CKAP5: variants seen among roughly 807,000 people sequenced by gnomAD.
The protein encoded by CKAP5 is cytoskeleton-associated protein 5.
Under a neutral mutation model 232.8 loss-of-function variants are expected in CKAP5, and 27 were observed. The observed-to-expected ratio is 0.12, with a 90% CI of 0.09 to 0.16. The LOEUF (loss-of-function observed/expected upper bound fraction) is 0.16, where lower values mean the gene tolerates loss of function less well. CKAP5 is among the 10% of genes least tolerant of loss of function. CKAP5 has a pLI of 1.00. For missense variants in CKAP5, 1,838 were observed against 2,424.7 expected (o/e 0.76, Z 5.08); for synonymous variants, 785 against 841.1 (o/e 0.93, Z 1.16).
chr11:46,814,542 C>A (rs1426373921), intron 4 of CKAP5, among the ~76,000 whole-genome samples: 1 of 152,156 alleles, frequency 6.6e-6, no homozygotes, highest in Non-Finnish European at 1.5e-5. Flanking sequence ...GATGGATGAT[C>A]TTCATTCCGT....
chr11:46,813,239 C>T (rs1014750077), intron 4 of CKAP5, among the ~76,000 whole-genome samples: 3 of 151,936 alleles, frequency 2.0e-5, no homozygotes, highest in Non-Finnish European at 4.4e-5. Context: ...GCTCAGCTGA[C>T]CTTTAAGATT....
At chr11:46,794,251 G>A (rs2134644815) in intron 13 of CKAP5, among the ~76,000 whole-genome samples, 2 of 152,244 alleles carry the variant, frequency 1.3e-5, no homozygotes, top group South Asian at 4.1e-4. Flanking sequence ...GAGCCTAGGA[G>A]TTTGAGACCT....
Position 46,765,230 on chromosome 11 carries a change from G to A in CKAP5, c.3438C>T (p.Ser1146=). The A allele has an allele frequency of 1.2e-6, 2 of 1,612,126 alleles. No individual in the cohort carries two copies. Among genetic ancestry groups the A allele is most frequent in the Non-Finnish European group, 1.7e-6 (2 of 1,179,264 alleles). The change falls in exon 28 of 44, where the codon AGC becomes AGT. Residue 1146 remains serine, a synonymous_variant. Transcript: ENST00000529230. ...AKSAQGKKMP[S]KTSLKEDEDK... ...CTTCATCCTCCTTTAAGCTGGTTTTGCTTGGCATCTTCTTCCCTTGTGCAC... is the reference window on the plus strand; with the variant it reads ...CTTCATCCTCCTTTAAGCTGGTTTTACTTGGCATCTTCTTCCCTTGTGCAC...
intron 42 of CKAP5, among the ~76,000 whole-genome samples, chr11:46,747,896 C>CA (rs1364906888): frequency 1.3e-5 from 2 of 151,896 alleles, no homozygotes; most frequent in Non-Finnish European, 2.9e-5. Flanking sequence ...CCTGTCTCTA[C>CA]AAAAAATACA....
chr11:46,830,197 T>C (rs1010851811), intron 1 of CKAP5, among the ~76,000 whole-genome samples: 82 of 152,014 alleles, frequency 5.4e-4, no homozygotes, highest in African/African-American at 1.9e-3. Context: ...ATCCCAGAAC[T>C]TTGGGAGTCC....
In CKAP5 at chr11:46,750,639, T is replaced by C. The variant is rs371184373; in HGVS notation, c.5461-28A>G. 183 of 1,550,022 alleles carry C rather than the reference T, an allele frequency of 1.2e-4. No homozygotes were observed. In the Middle Eastern group the frequency reaches 2.7e-3, roughly 23 times the overall value. On this transcript the variant is annotated intron_variant, in intron 40 of 43. Transcript: ENST00000529230. ...GAAAAGTTGAAAGACATAGGAAGAA[T>C]TGGTTAGACTTGAGTTATTAATTAG...
intron 1 of CKAP5, among the ~76,000 whole-genome samples, chr11:46,831,178 G>A (rs771815860): frequency 3.0e-4 from 45 of 152,060 alleles, no homozygotes; most frequent in Middle Eastern, 3.2e-3. Flanking sequence ...CATGCCTTCT[G>A]ATTTTTAATA....
intron 10 of CKAP5, 45 bp from the exon 11 acceptor site, chr11:46,798,014 G>T: frequency 6.2e-7 from 1 of 1,605,636 alleles, no homozygotes; most frequent in South Asian, 1.1e-5. Flanking sequence ...CAATTGTAAA[G>T]AACAATCAAA....
Position 46,811,164 on chromosome 11 carries a change from T to C in CKAP5, c.473A>G (p.Lys158Arg). The C allele has an allele frequency of 6.2e-7, 1 of 1,612,494 alleles. No individual in the cohort carries two copies. Among genetic ancestry groups the C allele is most frequent in the Non-Finnish European group, 8.5e-7 (1 of 1,179,504 alleles). ...GATAATTGGCTTAAGCAAGATGATT[T>C]TGGAACCAAATTCACTACAAGTAAA... Reference protein sequence around the residue: ...LRKALSEFGSKIILLKPIIKV... With the variant: ...LRKALSEFGSRIILLKPIIKV... Residue 158 changes from lysine (K) to arginine (R), a missense_variant, in exon 5 of 44, where the codon AAA (lysine) becomes AGA (arginine). Lys to Arg is a conservative substitution (Grantham distance 26, BLOSUM62 2). This residue lies in a region of CKAP5 where 285 missense variants were observed against 300.0 expected (regional missense o/e 0.95). Coordinates refer to ENST00000529230, the MANE Select transcript of CKAP5 (RefSeq NM_001008938.4).
intron 6 of CKAP5, 89 bp downstream of exon 6, chr11:46,809,653 C>T (rs1939232755): frequency 6.7e-7 from 1 of 1,490,220 alleles, no homozygotes; most frequent in East Asian, 2.3e-5. Context: ...AAAGGCAATC[C>T]TACAAAATAT....
chr11:46,749,102 T>A (rs2065043566), intron 42 of CKAP5, among the ~76,000 whole-genome samples: 1 of 151,602 alleles, frequency 6.6e-6, no homozygotes, highest in Non-Finnish European at 1.5e-5. Flanking sequence ...AGTCCTGGAT[T>A]ACAGGCGTGA....
intron 7 of CKAP5, 92 bp from the exon 8 acceptor site, chr11:46,808,236 A>T: frequency 1.1e-6 from 1 of 886,518 alleles, no homozygotes; most frequent in African/African-American, 1.7e-5. Context: ...AAGATACATA[A>T]TTTTTTTAAA....
At chr11:46,814,788 T>A (rs1412328864) in intron 4 of CKAP5, among the ~76,000 whole-genome samples, 2 of 152,222 alleles carry the variant, frequency 1.3e-5, no homozygotes, top group Non-Finnish European at 2.9e-5. Context: ...AAAAGTTACT[T>A]TTCTATTTGC....
Position 46,788,742 on chromosome 11 carries a change from G to A in CKAP5, c.1907C>T (p.Pro636Leu), listed in dbSNP as rs926947543. ...TAGCATCCTCACTAATGCCTGGCAT[G>A]GCATTTCAGTTCGGTCCATTAGCTC... is the stretch of plus-strand genomic sequence containing the variant. ...AVELMDRTEM[P>L]CQALVRMLAK... Residue 636 changes from proline (P) to leucine (L), a missense_variant, in exon 16 of 44, where the codon CCA becomes CTA. Pro to Leu is a moderately conservative substitution (Grantham distance 98). Around this residue, in one of 6 missense-constraint regions of CKAP5, gnomAD observed 767 missense variants for 954.6 expected, o/e 0.80. Transcript: ENST00000529230. 3.1e-6 allele frequency: 5 copies of A among 1,608,694 alleles called. No individual in the cohort carries two copies. Among genetic ancestry groups the A allele is most frequent in the African/African-American group, 1.3e-5 (1 of 74,500 alleles).
intron 3 of CKAP5, 90 bp downstream of exon 3, chr11:46,818,220 G>T: frequency 1.0e-6 from 1 of 981,822 alleles, no homozygotes; most frequent in Non-Finnish European, 1.5e-6. Flanking sequence ...TTCTAAAACT[G>T]CTAATAACTA....
intron 3 of CKAP5, among the ~76,000 whole-genome samples, 183 bp from the exon 4 acceptor site, chr11:46,816,587 T>C (rs1311473236): frequency 6.6e-6 from 1 of 152,168 alleles, no homozygotes; most frequent in Non-Finnish European, 1.5e-5. Flanking sequence ...TTTTAAGACA[T>C]GTCATAGCAG....
chr11:46,803,406 C>G (rs376513770), intron 8 of CKAP5, among the ~76,000 whole-genome samples: 3 of 151,860 alleles, frequency 2.0e-5, no homozygotes, highest in East Asian at 3.9e-4. Context: ...CTGGCTGGGA[C>G]TAAAGGCACA....
intron 13 of CKAP5, among the ~76,000 whole-genome samples, chr11:46,794,285 G>A (rs972594619): frequency 2.6e-5 from 4 of 151,732 alleles, no homozygotes; most frequent in African/African-American, 4.8e-5. Context: ...AGTGAAACCC[G>A]TCTCTACAAA....
intron 4 of CKAP5, among the ~76,000 whole-genome samples, chr11:46,812,716 C>A (rs1939305813): frequency 6.6e-6 from 1 of 152,102 alleles, no homozygotes; most frequent in Admixed American, 6.6e-5. Context: ...CAGCTCACTG[C>A]AGCCTCGACC....
Sources: allele counts gnomAD v4.1 joint callset (sites outside exome capture counted in the v4.1 genomes callset), GRCh38; gene constraint gnomAD v4.1.1; regional missense constraint gnomAD v4.1.1; transcripts MANE v1.5; gene names NCBI Gene and HGNC (gene_info 2026-07-23, HGNC 2026-07-21).